SLC30A7: variants seen among roughly 807,000 people sequenced by gnomAD.
The protein encoded by SLC30A7 is zinc transporter 7.
SLC30A7 carries 35 observed loss-of-function variants against 46.0 expected under a neutral mutation model. The observed-to-expected ratio is 0.76, with a 90% CI of 0.58 to 1.01. The LOEUF (loss-of-function observed/expected upper bound fraction) is 1.01, where lower values mean the gene tolerates loss of function less well. SLC30A7 is among the 50% of genes least tolerant of loss of function. The pLI is 0.00. For synonymous variants in SLC30A7, 147 were observed against 157.8 expected, an observed-to-expected ratio of 0.93 and a Z score of 0.51; for missense variants, 464 against 451.1, an observed-to-expected ratio of 1.03 and a Z score of -0.26.
At chr1:100,969,895 A>T (rs1312059667) in intron 10 of SLC30A7, among the ~76,000 whole-genome samples, 1 of 152,080 alleles carries the variant, frequency 6.6e-6, no homozygotes, top group Non-Finnish European at 1.5e-5. Context: ...AATTTTCATG[A>T]ATTTATTTTC....
At chr1:100,927,677 CAG>C (rs1478399463) in intron 8 of SLC30A7, among the ~76,000 whole-genome samples, 2 of 152,086 alleles carry the variant, frequency 1.3e-5, no homozygotes, top group East Asian at 3.9e-4. Context: ...ATGGAATAGA[CAG>C]AGAGTTAGAT....
chr1:100,947,984 G>T (rs1400345054), intron 8 of SLC30A7, among the ~76,000 whole-genome samples: 2 of 152,018 alleles, frequency 1.3e-5, no homozygotes, highest in Non-Finnish European at 2.9e-5. Flanking sequence ...CACACTGATG[G>T]GTCTTGACTC....
chr1:100,974,126 C>G (rs556365731), intron 10 of SLC30A7, among the ~76,000 whole-genome samples: 7 of 152,160 alleles, frequency 4.6e-5, no homozygotes, highest in African/African-American at 1.7e-4. Flanking sequence ...TTAGGGGGTA[C>G]AAGTGCAGTT....
chr1:100,941,326 A>AT (rs1557995809), intron 8 of SLC30A7: 1 of 382,562 alleles, frequency 2.6e-6, no homozygotes, highest in Non-Finnish European at 5.1e-6. Flanking sequence ...CACAACCAAA[A>AT]TTGCCATTCC....
At chr1:100,901,517 C>T (rs537882399) in intron 2 of SLC30A7, among the ~76,000 whole-genome samples, 4 of 152,154 alleles carry the variant, frequency 2.6e-5, no homozygotes, top group Admixed American at 6.5e-5. Flanking sequence ...TGCAGTGGCG[C>T]GATCTTGGCT....
chr1:100,900,228 T>A (rs941538386), intron 2 of SLC30A7, among the ~76,000 whole-genome samples: 1 of 152,224 alleles, frequency 6.6e-6, no homozygotes, highest in Non-Finnish European at 1.5e-5. Flanking sequence ...CAGATTTAAT[T>A]TCAGTAGTAT....
the SLC30A7 span, among the ~76,000 whole-genome samples, chr1:100,993,607 G>A: frequency 8.1e-5 from 7 of 86,220 alleles, no homozygotes; most frequent in East Asian, 1.5e-3. Flanking sequence ...TAGCTATTGT[G>A]GCTTACAACA....
intron 9 of SLC30A7, among the ~76,000 whole-genome samples, chr1:100,963,911 G>T (rs1376236957): frequency 6.6e-6 from 1 of 152,140 alleles, no homozygotes; most frequent in Non-Finnish European, 1.5e-5. Flanking sequence ...AGAAAGGCTA[G>T]AACCCAAAGC....
the SLC30A7 span, chr1:100,990,440 T>C: frequency 6.2e-7 from 1 of 1,614,154 alleles, no homozygotes; most frequent in East Asian, 2.2e-5. Flanking sequence ...GATTCTGAGC[T>C]ATTTTCTGGT....
At chr1:100,958,169 CGTT>C (rs1478780316) in intron 8 of SLC30A7, among the ~76,000 whole-genome samples, 2 of 151,724 alleles carry the variant, frequency 1.3e-5, no homozygotes, top group East Asian at 1.9e-4. Flanking sequence ...ACAATATTTG[CGTT>C]GTTGTTGTTT....
At chr1:100,968,200 C>T (rs1410646064) in intron 10 of SLC30A7, among the ~76,000 whole-genome samples, 2 of 152,102 alleles carry the variant, frequency 1.3e-5, no homozygotes, top group African/African-American at 2.4e-5. Flanking sequence ...GTGGCTCACA[C>T]CTGTAATCCC....
intron 8 of SLC30A7, among the ~76,000 whole-genome samples, chr1:100,934,884 A>G (rs1043283817): frequency 1.3e-4 from 20 of 152,120 alleles, no homozygotes; most frequent in African/African-American, 4.6e-4. Flanking sequence ...GTTTTTGTCA[A>G]TAATTCAGAA....
rs1170424409 is a variant in SLC30A7, at chr1:100,980,854, TTTG to T, written c.*6000_*6002del. On this transcript the variant is annotated 3_prime_UTR_variant, in exon 11 of 11. Coordinates refer to ENST00000357650, the MANE Select transcript of SLC30A7 (RefSeq NM_133496.5). ...GAACCAGACAGTCTCCATAGTCTCC[TTTG>T]TTTTTATGGAAAATTGCCATATTCA... is the stretch of plus-strand genomic sequence containing the variant. The T allele has an allele frequency of 6.6e-6, 1 of 152,132 alleles. No homozygotes were observed. Among genetic ancestry groups the T allele is most frequent in the Non-Finnish European group, 1.5e-5 (1 of 67,962 alleles). 9.4% of individuals were successfully genotyped at this position (152,132 alleles called of 1,614,324 possible).
intron 8 of SLC30A7, among the ~76,000 whole-genome samples, chr1:100,932,837 C>T (rs1196285745): frequency 6.6e-6 from 1 of 152,132 alleles, no homozygotes; most frequent in Non-Finnish European, 1.5e-5. Context: ...AGGGCCCCCT[C>T]TTCTAAAATT....
chr1:100,940,872 T>G (rs189553267), intron 8 of SLC30A7: 65 of 265,416 alleles, frequency 2.4e-4, no homozygotes, highest in African/African-American at 1.4e-3. Flanking sequence ...TATACACAAA[T>G]ACTGTCTAAA....
At position 100,965,821 on chromosome 1, in the gene SLC30A7, T is replaced by C. The variant is rs993721063; in HGVS notation, c.986T>C (p.Leu329Ser). 1.2e-6 allele frequency: 2 copies of C among 1,613,924 alleles called. No homozygotes were observed. The highest frequency in any genetic ancestry group is 1.7e-6 in the Non-Finnish European group (2 of 1,179,808). ...TTACAGGAACAGCACTTCTGGACTTTATGTTCTGACGTTTATGTTGGGACC... is the reference window on the plus strand; with the variant it reads ...TTACAGGAACAGCACTTCTGGACTTCATGTTCTGACGTTTATGTTGGGACC... The part of the protein sequence containing the change: ...YSLQEQHFWT[L>S]CSDVYVGTLK... The change falls in exon 10 of 11, where the codon TTA becomes TCA. Residue 329 changes from leucine (L) to serine (S), a missense_variant. Coordinates refer to ENST00000357650, the MANE Select transcript of SLC30A7 (RefSeq NM_133496.5).
chr1:100,912,030 G>GTT, intron 4 of SLC30A7, 82 bp from the exon 5 acceptor site: 2 of 1,271,100 alleles, frequency 1.6e-6, no homozygotes, highest in Non-Finnish European at 2.2e-6. Flanking sequence ...AACTGAAAGT[G>GTT]TTTAATGTTG....
At chr1:100,910,579 C>A (rs1240504028) in intron 3 of SLC30A7, among the ~76,000 whole-genome samples, 2 of 152,008 alleles carry the variant, frequency 1.3e-5, no homozygotes, top group Non-Finnish European at 2.9e-5. Flanking sequence ...TCCTTCAGAT[C>A]GAAGCTCTGC....
the SLC30A7 span, among the ~76,000 whole-genome samples, chr1:100,993,559 A>AATATAT: frequency 0.051 from 2,833 of 55,888 alleles, 242 homozygotes; most frequent in South Asian, 0.069. Flanking sequence ...CGAAAATATA[A>AATATAT]ATATATATAT....
Sources: gnomAD v4.1 joint callset for allele counts (sites outside exome capture counted in the v4.1 genomes callset) on GRCh38, gnomAD v4.1.1 for gene constraint, MANE v1.5 for transcripts, NCBI Gene and HGNC (gene_info 2026-07-23, HGNC 2026-07-21) for gene names.